Variants in SLC43A2 observed in about 807,000 individuals in gnomAD.
SLC43A2 encodes large neutral amino acids transporter small subunit 4.
In SLC43A2, 38 loss-of-function variants were observed where a neutral mutation model predicts 63.2. The observed-to-expected ratio is 0.60, with a 90% CI of 0.46 to 0.79. The LOEUF (loss-of-function observed/expected upper bound fraction) is 0.79. SLC43A2 is among the 30% of genes least tolerant of loss of function. The pLI, the probability that SLC43A2 is intolerant of heterozygous loss-of-function variation, is 0.00. For synonymous variants in SLC43A2, 322 were observed against 331.0 expected, an observed-to-expected ratio of 0.97 and a Z score of 0.30; for missense variants, 644 against 756.2, an observed-to-expected ratio of 0.85 and a Z score of 1.74.
In SLC43A2 at chr17:1,575,315, G is replaced by T. The variant is rs118184474; in HGVS notation, c.*289C>A. The T allele has an allele frequency of 2.0e-6, 1 of 506,712 alleles. No homozygotes were observed. The highest frequency in any genetic ancestry group is 2.0e-5 in the African/African-American group (1 of 50,582). 31.4% of individuals were successfully genotyped at this position (506,712 alleles called of 1,614,324 possible). ...GCGGGAGAGCGCCTGCCTGCCGGGC[G>T]TTCCTGGCTCCTGCTGCAGGCACCA... is the stretch of plus-strand genomic sequence containing the variant. On this transcript the variant is annotated 3_prime_UTR_variant, in exon 14 of 14. Transcript: ENST00000301335.
intron 11 of SLC43A2, among the ~76,000 whole-genome samples, chr17:1,580,319 T>C (rs963787011): frequency 2.0e-5 from 3 of 152,078 alleles, no homozygotes; most frequent in Non-Finnish European, 4.4e-5. Context: ...CCACGGTGAG[T>C]GCATGTGCAC....
At chr17:1,597,100 C>T (rs1412072627) in intron 5 of SLC43A2, among the ~76,000 whole-genome samples, 3 of 152,136 alleles carry the variant, frequency 2.0e-5, no homozygotes, top group African/African-American at 7.2e-5. Context: ...CCTGTAATCC[C>T]AGCTACTCGG....
chr17:1,629,194 G>A (rs1278728454), upstream of SLC43A2, among the ~76,000 whole-genome samples: 1 of 151,454 alleles, frequency 6.6e-6, no homozygotes, highest in Non-Finnish European at 1.5e-5. Flanking sequence ...AGAAGCCGCC[G>A]GGCCACCAGC....
At chr17:1,587,671 A>T (rs4790661) in intron 9 of SLC43A2, among the ~76,000 whole-genome samples, 1 of 152,146 alleles carries the variant, frequency 6.6e-6, no homozygotes, top group Non-Finnish European at 1.5e-5. Flanking sequence ...CTCCTCCATC[A>T]CTCCAGGCCT....
chr17:1,573,170 C>G lies in SLC43A2; in HGVS notation c.*2434G>C, dbSNP rs1411957173. 1 of 100,938 alleles carries G rather than the reference C, an allele frequency of 9.9e-6. No homozygotes were observed. The highest frequency in any genetic ancestry group is 5.0e-5 in the African/African-American group (1 of 19,846). The allele number at this position is 100,938 out of a possible 1,614,324, so 6.3% of individuals were successfully genotyped here. On this transcript the variant is annotated 3_prime_UTR_variant, in exon 14 of 14. Transcript: ENST00000301335. ...CCAGCCTGGATGGCAGAGCAAGACCCCAACTCAAAAAAAAAAAAAAAAAAA... is the reference window on the plus strand; with the variant it reads ...CCAGCCTGGATGGCAGAGCAAGACCGCAACTCAAAAAAAAAAAAAAAAAAA...
intron 5 of SLC43A2, among the ~76,000 whole-genome samples, chr17:1,600,135 A>AATATATAT (rs546467041): frequency 0.032 from 1,538 of 47,814 alleles, 76 homozygotes; most frequent in Middle Eastern, 0.071. Flanking sequence ...ATATTAATTG[A>AATATATAT]ATATATATAT....
At chr17:1,599,262 C>T (rs945581971) in intron 5 of SLC43A2, among the ~76,000 whole-genome samples, 11 of 151,750 alleles carry the variant, frequency 7.2e-5, no homozygotes, top group Admixed American at 3.9e-4. Flanking sequence ...ATTGCTTGAA[C>T]CCAGGGGGCA....
intron 6 of SLC43A2, among the ~76,000 whole-genome samples, chr17:1,591,931 C>T (rs969267769): frequency 1.3e-5 from 2 of 152,202 alleles, no homozygotes; most frequent in Admixed American, 1.3e-4. Context: ...ATTAGCCCCC[C>T]GACTCGGAGG....
intron 9 of SLC43A2, chr17:1,586,928 T>TTGCCCCCCCCC: frequency 4.1e-6 from 5 of 1,232,900 alleles, no homozygotes; most frequent in South Asian, 1.3e-5. Flanking sequence ...TCCCTGACAA[T>TTGCCCCCCCCC]CCCCCCCACC....
At chr17:1,621,487 C>T (rs1390602635) in intron 2 of SLC43A2, among the ~76,000 whole-genome samples, 2 of 152,170 alleles carry the variant, frequency 1.3e-5, no homozygotes, top group Non-Finnish European at 2.9e-5. Context: ...GTCCTCAGTC[C>T]GGCAGGGGAG....
At chr17:1,614,513 C>T (rs1471981570) in intron 4 of SLC43A2, among the ~76,000 whole-genome samples, 1 of 151,784 alleles carries the variant, frequency 6.6e-6, no homozygotes, top group Non-Finnish European at 1.5e-5. Flanking sequence ...AGTAGATGAG[C>T]CTGGCTAAGA....
intron 11 of SLC43A2, among the ~76,000 whole-genome samples, chr17:1,582,763 G>A (rs73300859): frequency 0.019 from 2,922 of 152,214 alleles, 96 homozygotes; most frequent in African/African-American, 0.061. Flanking sequence ...TGGGCTGCTC[G>A]GTTGAGTGGA....
chr17:1,579,707 C>T (rs1244464531), intron 11 of SLC43A2, among the ~76,000 whole-genome samples: 4 of 151,168 alleles, frequency 2.6e-5, no homozygotes, highest in Non-Finnish European at 4.4e-5. Context: ...CTTGGTGGTA[C>T]GTGCCCGTAG....
At position 1,575,646 on chromosome 17, in the gene SLC43A2, G is replaced by A; in HGVS notation, c.1668C>T (p.Phe556=). The change falls in exon 14 of 14, where the codon TTC becomes TTT. Residue 556 remains phenylalanine (F), a synonymous_variant. Coordinates refer to ENST00000301335, the MANE Select transcript of SLC43A2 (RefSeq NM_152346.3). The part of the protein sequence containing the change: ...LQQRQEDDKL[F]LKINGSSNQE... The stretch of plus-strand genomic sequence containing the variant: ...GGTTGGACGAGCCGTTGATTTTGAG[G>A]AAGAGTTTGTCATCCTCCTGCCTCT... 6.2e-7 allele frequency: 1 copy of A among 1,614,164 alleles called. No homozygotes were observed.
chr17:1,575,624 TG>T lies in SLC43A2; in HGVS notation c.1689del (p.Asn564ThrfsTer23). 1.9e-6 allele frequency: 3 copies of T among 1,613,884 alleles called. No individual in the cohort carries two copies. Among genetic ancestry groups the T allele is most frequent in the Non-Finnish European group, 2.5e-6 (3 of 1,179,978 alleles). On this transcript the variant is annotated frameshift_variant, in exon 14 of 14. Transcript: ENST00000301335. LOFTEE classifies it high-confidence loss of function. ...DKLFLKINGSSNQEAFV is the reference protein window; with the variant it reads ...DKLFLKINGSXNQEAFV Reference sequence around the variant, plus strand: ...AGCCACTACACGAAGGCCTCCTGGTTGGACGAGCCGTTGATTTTGAGGAAGA... The same window carrying T: ...AGCCACTACACGAAGGCCTCCTGGTTGACGAGCCGTTGATTTTGAGGAAGA...
Position 1,572,013 on chromosome 17 carries a change from CG to C in SLC43A2, c.*3590del, listed in dbSNP as rs2075853130. 1 of 152,358 alleles carries C rather than the reference CG, an allele frequency of 6.6e-6. No homozygotes were observed. The highest frequency in any genetic ancestry group is 2.4e-5 in the African/African-American group (1 of 41,404). The allele number at this position is 152,358 out of a possible 1,614,324, so 9.4% of individuals were successfully genotyped here. A position where few individuals can be genotyped will look rare whatever the true frequency, so the allele number is the denominator to read the frequency against. On this transcript the variant is annotated 3_prime_UTR_variant, in exon 14 of 14. Coordinates refer to ENST00000301335, the MANE Select transcript of SLC43A2 (RefSeq NM_152346.3). The stretch of plus-strand genomic sequence containing the variant: ...CAGAGCCTGGAGGATGAGGGGCAGA[CG>C]GGAGGCCCGGCCACTGGTGCCTGCT...
chr17:1,579,167 A>T (rs1490601420), intron 11 of SLC43A2, among the ~76,000 whole-genome samples: 1 of 149,502 alleles, frequency 6.7e-6, no homozygotes, highest in Non-Finnish European at 1.5e-5. Flanking sequence ...TAATAATAAT[A>T]ATTAAATTAT....
At chr17:1,579,967 G>C (rs1287706741) in intron 11 of SLC43A2, among the ~76,000 whole-genome samples, 4 of 150,772 alleles carry the variant, frequency 2.7e-5, no homozygotes, top group Admixed American at 6.6e-5. Context: ...GAGTCTTGCT[G>C]TGTAGCCCAG....
rs1207973084 is a variant in SLC43A2, at chr17:1,606,963, C to T, written c.501+6232G>A. On this transcript the variant is annotated intron_variant, in intron 5 of 13. Transcript: ENST00000301335. The surrounding 1 kb of genome is among the most constrained non-coding windows in gnomAD (Gnocchi z 4.7). ...CCTCTTGGGCTCTGGAAGGATGGCT[C>T]ATGGCCATCTCCTTCTGGACTACAA... Among the ~76,000 whole-genome samples, 1 of 152,202 alleles carries T rather than the reference C, an allele frequency of 6.6e-6. No individual in the cohort carries two copies. Among genetic ancestry groups the T allele is most frequent in the East Asian group, 1.9e-4 (1 of 5,202 alleles).
Sources: gnomAD v4.1 joint callset for allele counts (sites outside exome capture counted in the v4.1 genomes callset) on GRCh38, gnomAD v4.1.1 for gene constraint, Gnocchi (gnomAD v3.1) non-coding constraint, MANE v1.5 for transcripts, NCBI Gene and HGNC (gene_info 2026-07-23, HGNC 2026-07-21) for gene names.